The following TDRD3 variants were observed in gnomAD, a reference collection of about 807,000 sequenced individuals.
TDRD3 encodes the protein tudor domain containing 3.
TDRD3 carries 45 observed loss-of-function variants against 86.7 expected under a neutral mutation model. The observed-to-expected ratio is 0.52, with a 90% CI of 0.41 to 0.67. The LOEUF is 0.67. Ranked by LOEUF, TDRD3 falls within the 30% of genes least tolerant of loss-of-function variation. The pLI is 0.00. For synonymous variants in TDRD3, 298 were observed against 301.7 expected (o/e 0.99, Z 0.13); for missense variants, 814 against 889.0 (o/e 0.92, Z 1.07).
At chr13:60,476,499 C>G (rs920120619) in intron 5 of TDRD3, among the ~76,000 whole-genome samples, 1 of 151,990 alleles carries the variant, frequency 6.6e-6, no homozygotes, top group African/African-American at 2.4e-5. Flanking sequence ...AGTTGGACAG[C>G]TTTGTTCTTT....
Position 60,467,467 on chromosome 13 carries a change from T to A in TDRD3, c.495+88T>A, listed in dbSNP as rs1003490879. 4.1e-6 allele frequency: 6 copies of A among 1,467,028 alleles called. 1 individual carries two copies. The African/African-American group carries it at 5.7e-5, about 14-fold the overall frequency. The allele number at this position is 1,467,028 out of a possible 1,614,324, so 90.9% of individuals were successfully genotyped here. A position where few individuals can be genotyped will look rare whatever the true frequency, so the allele number is the denominator to read the frequency against. On this transcript the variant is annotated intron_variant, in intron 5 of 13. Transcript: ENST00000377881. Reference sequence around the variant, plus strand: ...CTCTTTCAATAATGAGTAAAATTAGTTCTTTGTGTCGGAGTTGAATAGAAT... The same window carrying A: ...CTCTTTCAATAATGAGTAAAATTAGATCTTTGTGTCGGAGTTGAATAGAAT...
chr13:60,492,305 A>G (rs1375500330), intron 7 of TDRD3, among the ~76,000 whole-genome samples: 1 of 151,826 alleles, frequency 6.6e-6, no homozygotes, highest in Non-Finnish European at 1.5e-5. Context: ...CAGACTTTTC[A>G]GGTAATTTTG....
intron 11 of TDRD3, among the ~76,000 whole-genome samples, chr13:60,530,205 G>C (rs2137790004): frequency 6.6e-6 from 1 of 152,250 alleles, no homozygotes; most frequent in African/African-American, 2.4e-5. Context: ...CTTGAAGGCT[G>C]GACTGTGCCT....
chr13:60,556,948 TAATCCC>T (rs1958200749), intron 12 of TDRD3, among the ~76,000 whole-genome samples: 1 of 152,214 alleles, frequency 6.6e-6, no homozygotes, highest in Admixed American at 6.5e-5. Flanking sequence ...CTGACGCCTG[TAATCCC>T]AACACTTTAG....
rs188559259 is a variant in TDRD3, at chr13:60,498,438, C to T, written c.858+3863C>T. Among the ~76,000 whole-genome samples the T allele has an allele frequency of 6.1e-4, 93 of 152,248 alleles. 2 individuals carry two copies. The highest frequency in any genetic ancestry group is 2.9e-3 in the Admixed American group (44 of 15,292). ...TGGACGGTAGAAGCAAAACGGCAAT[C>T]AGAATATTCTGACTTGTGTAGAGCT... On this transcript the variant is annotated intron_variant, in intron 8 of 13. Transcript: ENST00000377881.
At position 60,547,735 on chromosome 13, in the gene TDRD3, T is replaced by C. The variant is rs571033848; in HGVS notation, c.2118+12502T>C. Among the ~76,000 whole-genome samples the C allele has an allele frequency of 2.0e-5, 3 of 152,320 alleles. No individual in the cohort carries two copies. The East Asian group carries it at 5.8e-4, about 29-fold the overall frequency. On this transcript the variant is annotated intron_variant, in intron 12 of 13. Coordinates refer to ENST00000377881, the MANE Select transcript of TDRD3 (RefSeq NM_001146070.2). ...CTATCTCCTCTTCATATTGAAAATA[T>C]TATTTCTATCCTCTGTCTGATAAAC...
chr13:60,459,736 T>G (rs1382764401), intron 3 of TDRD3, among the ~76,000 whole-genome samples: 1 of 152,226 alleles, frequency 6.6e-6, no homozygotes, highest in Non-Finnish European at 1.5e-5. Context: ...TTCTTCTGCC[T>G]CAGCCTCCCA....
At chr13:60,534,009 A>T in intron 11 of TDRD3, among the ~76,000 whole-genome samples, 1 of 152,174 alleles carries the variant, frequency 6.6e-6, no homozygotes, top group East Asian at 1.9e-4. Context: ...TAACAGATAA[A>T]TTTTAAAATT....
intron 3 of TDRD3, among the ~76,000 whole-genome samples, chr13:60,446,660 G>A (rs1955406336): frequency 6.6e-6 from 1 of 152,074 alleles, no homozygotes; most frequent in African/African-American, 2.4e-5. Context: ...CTGGCACACA[G>A]AAATTACTCA....
rs187716533 is a variant in TDRD3 at position 60,497,341 on chromosome 13, G to A, written c.858+2766G>A. On this transcript the variant is annotated intron_variant, in intron 8 of 13. Transcript: ENST00000377881. ...GCTCGAATGCCTGGGTTTAGATCCCGATCATTGTCCCTCCCCCTGTGCTCT... is the reference window on the plus strand; with the variant it reads ...GCTCGAATGCCTGGGTTTAGATCCCAATCATTGTCCCTCCCCCTGTGCTCT... Among the ~76,000 whole-genome samples the A allele has an allele frequency of 4.6e-3, 695 of 152,298 alleles. 5 individuals carry two copies. Among genetic ancestry groups the A allele is most frequent in the Non-Finnish European group, 7.2e-3 (490 of 68,018 alleles).
chr13:60,448,950 G>A (rs1955470379), intron 3 of TDRD3, among the ~76,000 whole-genome samples: 1 of 152,138 alleles, frequency 6.6e-6, no homozygotes, highest in Non-Finnish European at 1.5e-5. Context: ...TAACTGTACA[G>A]TCTTTGAGTT....
chr13:60,501,629 CT>C (rs1402192894), intron 8 of TDRD3, among the ~76,000 whole-genome samples: 1 of 152,160 alleles, frequency 6.6e-6, no homozygotes, highest in Non-Finnish European at 1.5e-5. Context: ...ACCAAAGATT[CT>C]TTTTAGGACA....
At chr13:60,404,815 C>T (rs899059345) in intron 1 of TDRD3, among the ~76,000 whole-genome samples, 1 of 152,194 alleles carries the variant, frequency 6.6e-6, no homozygotes, top group Non-Finnish European at 1.5e-5. Context: ...GCGTCCTCAC[C>T]CAGATCTCAT....
At chr13:60,467,530 A>T in intron 5 of TDRD3, 151 bp downstream of exon 5, 1 of 858,372 alleles carries the variant, frequency 1.2e-6, no homozygotes, top group Non-Finnish European at 1.8e-6. Context: ...TCTTTGTCTA[A>T]GTGTATTGTT....
intron 8 of TDRD3, among the ~76,000 whole-genome samples, chr13:60,500,522 C>G (rs1051588299): frequency 2.0e-5 from 3 of 152,182 alleles, no homozygotes; most frequent in Non-Finnish European, 4.4e-5. Context: ...AAGTGGACAG[C>G]TACAGCCTAC....
At chr13:60,541,540 A>C (rs929826930) in intron 12 of TDRD3, among the ~76,000 whole-genome samples, 1 of 151,674 alleles carries the variant, frequency 6.6e-6, no homozygotes, top group Non-Finnish European at 1.5e-5. Context: ...TTATCAACTA[A>C]ATCTCCCCTT....
intron 12 of TDRD3, among the ~76,000 whole-genome samples, chr13:60,539,873 G>A (rs1347829637): frequency 6.6e-6 from 1 of 151,966 alleles, no homozygotes; most frequent in African/African-American, 2.4e-5. Context: ...GGTCGTGTTA[G>A]TAATTTTAAT....
At chr13:60,530,053 C>G (rs1253441929) in intron 11 of TDRD3, among the ~76,000 whole-genome samples, 2 of 152,218 alleles carry the variant, frequency 1.3e-5, no homozygotes, top group Non-Finnish European at 2.9e-5. Context: ...AAGAAACCTT[C>G]TTTGACCTGC....
intron 5 of TDRD3, among the ~76,000 whole-genome samples, chr13:60,470,252 A>G (rs1420699308): frequency 6.6e-6 from 1 of 152,128 alleles, no homozygotes; most frequent in African/African-American, 2.4e-5. Context: ...CTATATCTAT[A>G]CCATCTTTTG....
Sources: gnomAD v4.1 joint callset for allele counts (sites outside exome capture counted in the v4.1 genomes callset) on GRCh38, gnomAD v4.1.1 for gene constraint, MANE v1.5 for transcripts, NCBI Gene and HGNC (gene_info 2026-07-23, HGNC 2026-07-21) for gene names.